E2F7: variants seen among roughly 807,000 people sequenced by gnomAD.
E2F7 encodes the protein transcription factor E2F7.
A neutral mutation model predicts 81.1 loss-of-function variants in E2F7; 35 were observed. That is an observed-to-expected ratio of 0.43 (90% CI 0.33 to 0.57). E2F7 has a LOEUF of 0.57. Among genes scored for constraint, E2F7 ranks in the 20% least tolerant of loss-of-function variants. E2F7 has a pLI of 0.04. For missense variants in E2F7, 961 were observed against 1,093.7 expected (o/e 0.88, Z 1.71); for synonymous variants, 416 against 416.2 (o/e 1.00, Z 0.01).
At chr12:77,064,704 A>G in intron 1 of E2F7, 69 bp from the exon 2 acceptor site, 2 of 1,276,368 alleles carry the variant, frequency 1.6e-6, no homozygotes, top group Non-Finnish European at 2.3e-6. Flanking sequence ...AAAAATATCT[A>G]CATATGTGTT....
chr12:77,041,707 C>T (rs1204376380), intron 7 of E2F7, among the ~76,000 whole-genome samples: 1 of 152,122 alleles, frequency 6.6e-6, no homozygotes, highest in Non-Finnish European at 1.5e-5. Context: ...ATCTAACAGC[C>T]CATCAGAACT....
chr12:77,057,390 G>A (rs1409881262), intron 2 of E2F7, among the ~76,000 whole-genome samples: 1 of 152,028 alleles, frequency 6.6e-6, no homozygotes, highest in African/African-American at 2.4e-5. Flanking sequence ...TTAATTTTTT[G>A]TAGAGATCGG....
At chr12:77,057,805 G>C (rs1955044925) in intron 2 of E2F7, among the ~76,000 whole-genome samples, 1 of 152,164 alleles carries the variant, frequency 6.6e-6, no homozygotes, top group African/African-American at 2.4e-5. Context: ...TCTTTCTGTA[G>C]TATTCCTTTC....
intron 1 of E2F7, among the ~76,000 whole-genome samples, chr12:77,065,035 G>A (rs1955107294): frequency 6.6e-6 from 1 of 152,218 alleles, no homozygotes. Flanking sequence ...ATCGGGGGAA[G>A]GAAACCCGAT....
intron 11 of E2F7, among the ~76,000 whole-genome samples, chr12:77,026,345 C>G (rs1954759732): frequency 6.6e-6 from 1 of 152,138 alleles, no homozygotes; most frequent in African/African-American, 2.4e-5. Context: ...CTCTGTTACC[C>G]AGGCTGGAGT....
At chr12:77,030,502 T>A (rs888615880) in intron 9 of E2F7, among the ~76,000 whole-genome samples, 170 bp from the exon 10 acceptor site, 2 of 152,118 alleles carry the variant, frequency 1.3e-5, no homozygotes, top group African/African-American at 4.8e-5. Flanking sequence ...GACGCCCAGG[T>A]ATGGCCTGGA....
intron 12 of E2F7, among the ~76,000 whole-genome samples, chr12:77,024,831 C>G (rs1471334376): frequency 6.6e-6 from 1 of 152,134 alleles, no homozygotes; most frequent in African/African-American, 2.4e-5. Flanking sequence ...AACTTTTGAG[C>G]CTCTGAATAA....
At chr12:77,034,137 A>G (rs920927525) in intron 7 of E2F7, 95 bp from the exon 8 acceptor site, 2 of 1,053,576 alleles carry the variant, frequency 1.9e-6, no homozygotes, top group Middle Eastern at 2.7e-4. Context: ...TATAATTGTA[A>G]TGGAGCTATC....
In E2F7 at chr12:77,043,154, A is replaced by C; in HGVS notation, c.1034T>G (p.Leu345Trp). Residue 345 changes from leucine to tryptophan, a missense_variant, in exon 7 of 13, where the codon TTG becomes TGG. By Grantham distance (61) the Leu-to-Trp change is moderately conservative. Coordinates refer to ENST00000322886, the MANE Select transcript of E2F7 (RefSeq NM_203394.3). The part of the protein sequence containing the change: ...LYDIANVLTS[L>W]ALIKKVHVTE... ...TACATGCACTTTCTTTATCAGAGCC[A>C]AGCTGGTCAGAACATTGGCTATGTC... 1.9e-6 allele frequency: 3 copies of C among 1,614,194 alleles called. No individual in the cohort carries two copies. The highest frequency in any genetic ancestry group is 2.5e-6 in the Non-Finnish European group (3 of 1,180,030).
Position 77,056,044 on chromosome 12 carries a change from A to C in E2F7, c.180T>G (p.Phe60Leu), listed in dbSNP as rs752386180. Residue 60 changes from phenylalanine (F) to leucine (L), a missense_variant, in exon 3 of 13, where the codon TTT (phenylalanine) becomes TTG (leucine). By Grantham distance (22) the Phe-to-Leu change is conservative. Around this residue, in one of 3 missense-constraint regions of E2F7, gnomAD observed 73 missense variants for 68.4 expected, o/e 1.07. Coordinates refer to ENST00000322886, the MANE Select transcript of E2F7 (RefSeq NM_203394.3). ...EPIDLSKQKKFTPERNPITPV... is the reference protein window; with the variant it reads ...EPIDLSKQKKLTPERNPITPV... ...GAGTAATGGGATTTCTTTCTGGAGT[A>C]AATTTTTTTTGCTTCGATAAATCAA... 55 of 1,613,528 alleles carry C rather than the reference A, an allele frequency of 3.4e-5. No individual in the cohort carries two copies. The Admixed American group carries it at 4.5e-4, about 13-fold the overall frequency.
intron 7 of E2F7, among the ~76,000 whole-genome samples, chr12:77,034,256 A>G (rs1954830954): frequency 6.6e-6 from 1 of 152,192 alleles, no homozygotes; most frequent in Non-Finnish European, 1.5e-5. Context: ...TGACTATAAA[A>G]TGAGATTGAA....
intron 9 of E2F7, 85 bp from the exon 10 acceptor site, chr12:77,030,417 C>G (rs1954797351): frequency 1.4e-6 from 2 of 1,471,480 alleles, no homozygotes; most frequent in Non-Finnish European, 1.8e-6. Context: ...CATGCCAAAT[C>G]AAGAATGAGA....
In E2F7 at chr12:77,056,098, G is replaced by T. The variant is rs769023987; in HGVS notation, c.126C>A (p.Ala42=). The change falls in exon 3 of 13, where the codon GCC becomes GCA. Residue 42 remains alanine (A), a synonymous_variant. Transcript: ENST00000322886. The stretch of plus-strand genomic sequence containing the variant: ...GTTCATTTTTTATTGGAGTCTTCGG[G>T]GCCATCCTTGATCGATCAACAAATA... ...ENIFVDRSRM[A]PKTPIKNEPI... The T allele has an allele frequency of 6.2e-7, 1 of 1,612,312 alleles. No individual in the cohort carries two copies. Among genetic ancestry groups the T allele is most frequent in the East Asian group, 2.2e-5 (1 of 44,874 alleles).
In E2F7 at chr12:77,046,330, T is replaced by TC; in HGVS notation, c.539-3_539-2insG. ...CATAGATGCGTCTCCTTTCCACACC[T>TC]GTTTGAAAAACAGAGGCTGATGGAC... is the stretch of plus-strand genomic sequence containing the variant. On this transcript the variant is annotated splice_region_variant and splice_polypyrimidine_tract_variant and intron_variant, in intron 4 of 12. Coordinates refer to ENST00000322886, the MANE Select transcript of E2F7 (RefSeq NM_203394.3). The TC allele has an allele frequency of 6.2e-7, 1 of 1,607,132 alleles. No homozygotes were observed.
intron 7 of E2F7, among the ~76,000 whole-genome samples, chr12:77,038,354 C>CTA (rs1201936863): frequency 6.6e-6 from 1 of 152,100 alleles, no homozygotes; most frequent in Non-Finnish European, 1.5e-5. Context: ...AAGATGGACT[C>CTA]TATCTGTACC....
chr12:77,050,769 G>A (rs779003579), intron 3 of E2F7, 25 bp from the exon 4 acceptor site: 4 of 1,605,838 alleles, frequency 2.5e-6, no homozygotes, highest in Admixed American at 1.7e-5. Context: ...TAGAAGGGAG[G>A]GGGAAGATGT....
At chr12:77,064,712 GTTAC>G (rs1955104008) in intron 1 of E2F7, 77 bp from the exon 2 acceptor site, 1 of 1,221,360 alleles carries the variant, frequency 8.2e-7, no homozygotes, top group African/African-American at 1.5e-5. Flanking sequence ...CTACATATGT[GTTAC>G]TTGTTTGTCA....
intron 7 of E2F7, among the ~76,000 whole-genome samples, chr12:77,036,590 A>T (rs1658966756): frequency 6.6e-6 from 1 of 152,066 alleles, no homozygotes; most frequent in African/African-American, 2.4e-5. Flanking sequence ...TCTTCAACGC[A>T]AAATTCTTTT....
Position 77,028,096 on chromosome 12 carries a change from C to T in E2F7, c.1927G>A (p.Gly643Ser), listed in dbSNP as rs765296391. The T allele has an allele frequency of 3.1e-6, 5 of 1,614,154 alleles. No homozygotes were observed. The highest frequency in any genetic ancestry group is 4.2e-6 in the Non-Finnish European group (5 of 1,180,034). The stretch of plus-strand genomic sequence containing the variant: ...TTGAGGGGTATAGATGCCCTGTTAC[C>T]CATAGTCTTGGGAGAGGCAAGGTCT... ...STDLASPKTM[G>S]NRASIPLKDI... The change falls in exon 11 of 13, where the codon GGT becomes AGT. Residue 643 changes from glycine to serine, a missense_variant. Physicochemically the swap from Gly to Ser is moderately conservative, Grantham distance 56 (BLOSUM62 0). This residue lies in a region of E2F7 where 587 missense variants were observed against 620.3 expected (regional missense o/e 0.95). Transcript: ENST00000322886.
Sources: gnomAD v4.1 joint callset for allele counts (sites outside exome capture counted in the v4.1 genomes callset) on GRCh38, gnomAD v4.1.1 for gene constraint, gnomAD v4.1.1 regional missense constraint, MANE v1.5 for transcripts, NCBI Gene and HGNC (gene_info 2026-07-23, HGNC 2026-07-21) for gene names.